GRK7: variants seen among roughly 807,000 people sequenced by gnomAD.
The protein encoded by GRK7 is G protein-coupled receptor kinase 7, also known as rhodopsin kinase GRK7.
A neutral mutation model predicts 34.1 loss-of-function variants in GRK7; 24 were observed. That is an observed-to-expected ratio of 0.70 (90% confidence interval 0.51 to 0.99). The LOEUF is 0.99. Ranked by LOEUF, GRK7 falls within the 50% of genes least tolerant of loss-of-function variation. The pLI is 0.00. For synonymous variants in GRK7, 256 were observed against 279.4 expected (o/e 0.92, Z 0.84); for missense variants, 644 against 707.3 (o/e 0.91, Z 1.02).
chr3:141,785,543 C>A (rs1026009854), intron 4 of GRK7, among the ~76,000 whole-genome samples: 16 of 152,248 alleles, frequency 1.1e-4, no homozygotes, highest in African/African-American at 3.1e-4. Context: ...GCAGGTGGAT[C>A]CCCTGAGGTC....
the GRK7 span, among the ~76,000 whole-genome samples, chr3:141,750,115 C>T: frequency 6.6e-6 from 1 of 152,014 alleles, no homozygotes; most frequent in South Asian, 2.1e-4. Flanking sequence ...TTCTATTAGG[C>T]TGGTGCAAAA....
In GRK7 at chr3:141,778,560, C is replaced by T. The variant is rs2084653744; in HGVS notation, c.276C>T (p.Asn92=). Reference sequence around the variant, plus strand: ...CAACCTTCCTAGAGGACGTGCAGAACTGGGAGCTGGCCGAGGAGGGACCCA... The same window carrying T: ...CAACCTTCCTAGAGGACGTGCAGAATTGGGAGCTGGCCGAGGAGGGACCCA... The part of the protein sequence containing the change: ...KAATFLEDVQ[N]WELAEEGPTK... The change falls in exon 3 of 6, where the codon AAC becomes AAT. Residue 92 remains asparagine (N), a synonymous_variant. Transcript: ENST00000682958. The surrounding 1 kb of genome is among the most constrained non-coding windows in gnomAD (Gnocchi z 4.1). 6.2e-7 allele frequency: 1 copy of T among 1,613,300 alleles called. No individual in the cohort carries two copies. Among genetic ancestry groups the T allele is most frequent in the South Asian group, 1.1e-5 (1 of 91,076 alleles).
At chr3:141,773,985 C>A (rs1421686090) in intron 1 of GRK7, among the ~76,000 whole-genome samples, 1 of 152,186 alleles carries the variant, frequency 6.6e-6, no homozygotes, top group African/African-American at 2.4e-5. Flanking sequence ...TACGTTTCCC[C>A]ACTTGGCGCA....
At chr3:141,779,722 C>T (rs898952812) in intron 3 of GRK7, among the ~76,000 whole-genome samples, 28 of 152,186 alleles carry the variant, frequency 1.8e-4, no homozygotes, top group African/African-American at 5.1e-4. Context: ...ACCACTAGTC[C>T]GCTTTCTGTC....
intron 5 of GRK7, among the ~76,000 whole-genome samples, chr3:141,814,423 A>T (rs1340705688): frequency 6.6e-6 from 1 of 152,072 alleles, no homozygotes; most frequent in African/African-American, 2.4e-5. Context: ...TCCCATCTTT[A>T]TGTCCATGTT....
At chr3:141,776,306 AT>A (rs1457865627) in intron 2 of GRK7, among the ~76,000 whole-genome samples, 1 of 151,852 alleles carries the variant, frequency 6.6e-6, no homozygotes, top group Non-Finnish European at 1.5e-5. Context: ...ATTAAAAAAA[AT>A]AAAAAATATA....
intron 4 of GRK7, among the ~76,000 whole-genome samples, chr3:141,783,562 G>C (rs1328023324): frequency 2.6e-5 from 4 of 152,170 alleles, no homozygotes; most frequent in Non-Finnish European, 5.9e-5. Context: ...TCGCCTGTGG[G>C]ATTTGGCAAT....
In GRK7 at chr3:141,817,074, A is replaced by G. The variant is rs377493353; in HGVS notation, c.*24A>G. The G allele has an allele frequency of 6.6e-4, 1,002 of 1,523,806 alleles. No individual in the cohort carries two copies. Among genetic ancestry groups the G allele is most frequent in the Non-Finnish European group, 6.4e-4 (723 of 1,129,414 alleles). The allele number at this position is 1,523,806 out of a possible 1,614,324, so 94.4% of individuals were successfully genotyped here. On this transcript the variant is annotated 3_prime_UTR_variant, in exon 6 of 6. Coordinates refer to ENST00000682958, the MANE Select transcript of GRK7 (RefSeq NM_139209.3). ...AAATTGCTCTCTTTACCAGACAGGC[A>G]GCAGGAGTCTCGGCTGACATAATCC...
intron 4 of GRK7, among the ~76,000 whole-genome samples, chr3:141,802,190 C>T (rs1327310022): frequency 6.6e-6 from 1 of 151,588 alleles, no homozygotes; most frequent in Non-Finnish European, 1.5e-5. Context: ...CCGTCTGTAC[C>T]AAAGAAAAAA....
At chr3:141,802,366 T>TCACACACACACA (rs113029036) in intron 4 of GRK7, among the ~76,000 whole-genome samples, 40,430 of 145,344 alleles carry the variant, frequency 0.28, 5,815 homozygotes, top group East Asian at 0.37. Context: ...TCTTTCTCTG[T>TCACACACACACA]CACACACACA....
chr3:141,808,959 G>T (rs1470848997), intron 5 of GRK7, among the ~76,000 whole-genome samples: 1 of 151,980 alleles, frequency 6.6e-6, no homozygotes, highest in Non-Finnish European at 1.5e-5. Context: ...CAGCACTTTG[G>T]GAGGTTGAGG....
intron 2 of GRK7, among the ~76,000 whole-genome samples, chr3:141,776,010 C>T (rs1450680518): frequency 6.6e-6 from 1 of 152,036 alleles, no homozygotes; most frequent in Non-Finnish European, 1.5e-5. Context: ...ATCGGCCAGG[C>T]ACGGTGGCTC....
chr3:141,812,066 C>G (rs1459176683), intron 5 of GRK7, among the ~76,000 whole-genome samples: 3 of 152,234 alleles, frequency 2.0e-5, no homozygotes, highest in Non-Finnish European at 4.4e-5. Context: ...TTAAGTGCTT[C>G]TCCAACAAAC....
At chr3:141,759,768 T>C (rs1432692161), upstream of GRK7, among the ~76,000 whole-genome samples, 15 of 76,148 alleles carry the variant, frequency 2.0e-4, no homozygotes, top group African/African-American at 7.6e-4. Context: ...AGAATTCGGC[T>C]GTGAATCCAT....
intron 5 of GRK7, among the ~76,000 whole-genome samples, chr3:141,808,332 G>A (rs569282940): frequency 3.9e-4 from 60 of 152,288 alleles, no homozygotes; most frequent in Non-Finnish European, 7.6e-4. Flanking sequence ...GTAAATAAAT[G>A]TATTAAAATC....
intron 4 of GRK7, among the ~76,000 whole-genome samples, chr3:141,792,106 C>T (rs114803301): frequency 6.7e-6 from 1 of 149,442 alleles, no homozygotes; most frequent in African/African-American, 2.5e-5. Context: ...GAAGATAGAA[C>T]TTAATAAACA....
At chr3:141,781,367 T>C (rs1272324794) in intron 4 of GRK7, among the ~76,000 whole-genome samples, 1 of 151,724 alleles carries the variant, frequency 6.6e-6, no homozygotes, top group African/African-American at 2.4e-5. Context: ...TGAAACCCCA[T>C]CTCTAGTAAA....
intron 4 of GRK7, among the ~76,000 whole-genome samples, chr3:141,791,475 G>T (rs2084723872): frequency 6.6e-6 from 1 of 152,086 alleles, no homozygotes. Context: ...TGACCAAAAG[G>T]ATTACCACCA....
intron 1 of GRK7, among the ~76,000 whole-genome samples, chr3:141,768,914 C>T (rs1034266986): frequency 6.6e-6 from 1 of 152,176 alleles, no homozygotes; most frequent in African/African-American, 2.4e-5. Context: ...TCCTTCTCAG[C>T]CTCCCTTACA....
Sources: allele counts gnomAD v4.1 joint callset (sites outside exome capture counted in the v4.1 genomes callset), GRCh38; gene constraint gnomAD v4.1.1; non-coding constraint Gnocchi (gnomAD v3.1); transcripts MANE v1.5; gene names NCBI Gene and HGNC (gene_info 2026-07-23, HGNC 2026-07-21).